The following WDR27 variants were observed in gnomAD, a reference collection of about 807,000 sequenced individuals.
The protein encoded by WDR27 is WD repeat-containing protein 27.
WDR27 carries 100 observed loss-of-function variants against 114.4 expected under a neutral mutation model. That is an observed-to-expected ratio of 0.87 (90% CI 0.74 to 1.03). The LOEUF (loss-of-function observed/expected upper bound fraction) is 1.03, where lower values mean the gene tolerates loss of function less well. WDR27 is among the 50% of genes least tolerant of loss of function. WDR27 has a pLI of 0.00. For missense variants in WDR27, 1,129 were observed against 1,092.9 expected (o/e 1.03, Z -0.47); for synonymous variants, 449 against 423.1 (o/e 1.06, Z -0.75).
At chr6:169,614,048 T>C (rs1811243617) in intron 21 of WDR27, among the ~76,000 whole-genome samples, 1 of 152,158 alleles carries the variant, frequency 6.6e-6, no homozygotes. Flanking sequence ...AATCTGCCAA[T>C]TATCAACCCC....
rs369797685 is a variant in WDR27 at position 169,645,036 on chromosome 6, TAA to T, written c.1658-1252_1658-1251del. Among the ~76,000 whole-genome samples the T allele has an allele frequency of 9.1e-5, 7 of 76,924 alleles. 1 individual carries two copies. The highest frequency in any genetic ancestry group is 3.4e-4 in the African/African-American group (6 of 17,714). 50.5% of individuals were successfully genotyped at this position (76,924 alleles called of 152,430 possible). On this transcript the variant is annotated intron_variant, in intron 16 of 25. Coordinates refer to ENST00000448612, the MANE Select transcript of WDR27 (RefSeq NM_182552.5). ...AAAAAAAAAAAATAAAAAAAAAAAATAAAAAAAAAAAAAAAAAAAAAAGAAAA... is the reference window on the plus strand; with the variant it reads ...AAAAAAAAAAAATAAAAAAAAAAAATAAAAAAAAAAAAAAAAAAAAGAAAA...
chr6:169,508,769 G>A (rs1438343061), intron 25 of WDR27, among the ~76,000 whole-genome samples: 1 of 152,168 alleles, frequency 6.6e-6, no homozygotes, highest in East Asian at 1.9e-4. Flanking sequence ...TTATAATTAT[G>A]TATTATATTA....
At chr6:169,554,868 T>C (rs1798655723) in intron 25 of WDR27, among the ~76,000 whole-genome samples, 1 of 152,244 alleles carries the variant, frequency 6.6e-6, no homozygotes, top group South Asian at 2.1e-4. Context: ...TACATACATT[T>C]TGTTTTCTAG....
chr6:169,588,001 C>T (rs116713474), intron 23 of WDR27, among the ~76,000 whole-genome samples: 241 of 152,328 alleles, frequency 1.6e-3, no homozygotes, highest in African/African-American at 5.3e-3. Flanking sequence ...TTCCTATGGG[C>T]CCCATGGTGT....
chr6:169,481,169 C>T lies in WDR27; in HGVS notation c.2646-23535G>A, dbSNP rs533935373. On this transcript the variant is annotated intron_variant, in intron 25 of 25. Coordinates refer to ENST00000448612, the MANE Select transcript of WDR27 (RefSeq NM_182552.5). Reference sequence around the variant, plus strand: ...GTTTGTAAACGCACCAATCAGTGCTCTGTGTCTAGCTAATCTAGTGGGGAC... The same window carrying T: ...GTTTGTAAACGCACCAATCAGTGCTTTGTGTCTAGCTAATCTAGTGGGGAC... Among the ~76,000 whole-genome samples, 5 of 152,220 alleles carry T rather than the reference C, an allele frequency of 3.3e-5. No individual in the cohort carries two copies. The South Asian group carries it at 8.3e-4, about 25-fold the overall frequency.
chr6:169,567,877 C>G (rs191445903), intron 25 of WDR27, among the ~76,000 whole-genome samples: 1 of 152,166 alleles, frequency 6.6e-6, no homozygotes, highest in Non-Finnish European at 1.5e-5. Flanking sequence ...GTGAGAGCGG[C>G]GGTCCACTGT....
chr6:169,631,745 C>A, intron 21 of WDR27, among the ~76,000 whole-genome samples: 1 of 152,158 alleles, frequency 6.6e-6, no homozygotes, highest in African/African-American at 2.4e-5. Flanking sequence ...CTCCATCTCC[C>A]CTTTATCCAG....
intron 2 of WDR27, among the ~76,000 whole-genome samples, chr6:169,674,089 A>G (rs1779473595): frequency 6.6e-6 from 1 of 152,260 alleles, no homozygotes; most frequent in Admixed American, 6.5e-5. Flanking sequence ...AGAAGCTAAC[A>G]TAAATCTGAT....
At chr6:169,506,248 A>C (rs1791986057) in intron 25 of WDR27, among the ~76,000 whole-genome samples, 1 of 152,148 alleles carries the variant, frequency 6.6e-6, no homozygotes, top group African/African-American at 2.4e-5. Flanking sequence ...CATCACATTC[A>C]TTTGAGATTT....
chr6:169,593,322 A>G (rs568582491), intron 23 of WDR27, among the ~76,000 whole-genome samples: 8 of 152,224 alleles, frequency 5.3e-5, no homozygotes, highest in Non-Finnish European at 1.0e-4. Context: ...GGCCTGTTAA[A>G]TTTGTTTCTA....
intron 25 of WDR27, among the ~76,000 whole-genome samples, chr6:169,561,964 T>C (rs1799734648): frequency 6.6e-6 from 1 of 152,168 alleles, no homozygotes; most frequent in Admixed American, 6.5e-5. Flanking sequence ...TTCCCAGGAA[T>C]AAAGACCACC....
intron 25 of WDR27, among the ~76,000 whole-genome samples, chr6:169,550,414 ATTATTTAT>A (rs990526970): frequency 6.6e-6 from 1 of 151,724 alleles, no homozygotes; most frequent in Non-Finnish European, 1.5e-5. Flanking sequence ...TGTATTTTAT[ATTATTTAT>A]TTATTTATTT....
chr6:169,657,417 G>A (rs1384108823), intron 13 of WDR27, among the ~76,000 whole-genome samples: 2 of 152,244 alleles, frequency 1.3e-5, no homozygotes, highest in South Asian at 4.1e-4. Context: ...GCCTAGCCGA[G>A]CCCGGCCCGG....
intron 25 of WDR27, among the ~76,000 whole-genome samples, chr6:169,486,444 C>A (rs910322082): frequency 6.6e-6 from 1 of 152,128 alleles, no homozygotes; most frequent in Non-Finnish European, 1.5e-5. Context: ...CAGGCTCCGG[C>A]AGCCTTTGTT....
intron 23 of WDR27, among the ~76,000 whole-genome samples, chr6:169,588,201 T>C (rs1458405893): frequency 1.3e-5 from 2 of 152,180 alleles, no homozygotes; most frequent in Non-Finnish European, 2.9e-5. Context: ...GCAGGGGTGA[T>C]GAAATGAGGA....
At chr6:169,613,926 C>T (rs1026356975) in intron 21 of WDR27, among the ~76,000 whole-genome samples, 1 of 151,928 alleles carries the variant, frequency 6.6e-6, no homozygotes, top group Admixed American at 6.6e-5. Context: ...CAAAAAAGAC[C>T]AAGATAGTAA....
intron 25 of WDR27, among the ~76,000 whole-genome samples, chr6:169,497,131 C>G (rs1460430376): frequency 6.6e-6 from 1 of 151,972 alleles, no homozygotes; most frequent in East Asian, 1.9e-4. Context: ...AGAAATAAAC[C>G]CTCACATATA....
At chr6:169,533,245 T>C (rs943703412) in intron 25 of WDR27, among the ~76,000 whole-genome samples, 1 of 130,990 alleles carries the variant, frequency 7.6e-6, no homozygotes, top group African/African-American at 2.9e-5. Flanking sequence ...CAGCGTGGCA[T>C]GGAAGGAGGG....
At position 169,681,935 on chromosome 6, in the gene WDR27, C is replaced by T. The variant is rs530254902; in HGVS notation, c.189+6882G>A. Among the ~76,000 whole-genome samples the T allele has an allele frequency of 6.1e-4, 93 of 152,270 alleles. 1 individual carries two copies. The South Asian group carries it at 0.018, about 29-fold the overall frequency. ...TCTGTGCCAACTAGACCTCTCTAGTCTCCCACCCACAGCAGATCATAAGGG... is the reference window on the plus strand; with the variant it reads ...TCTGTGCCAACTAGACCTCTCTAGTTTCCCACCCACAGCAGATCATAAGGG... On this transcript the variant is annotated intron_variant, in intron 2 of 25. Coordinates refer to ENST00000448612, the MANE Select transcript of WDR27 (RefSeq NM_182552.5).
Sources: allele counts gnomAD v4.1 joint callset (sites outside exome capture counted in the v4.1 genomes callset), GRCh38; gene constraint gnomAD v4.1.1; transcripts MANE v1.5; gene names NCBI Gene and HGNC (gene_info 2026-07-23, HGNC 2026-07-21).